The following MROH7 variants were observed in gnomAD, a reference collection of about 807,000 sequenced individuals.
MROH7 encodes maestro heat like repeat family member 7, also known as maestro heat-like repeat-containing protein family member 7.
Under a neutral mutation model 129.2 loss-of-function variants are expected in MROH7, and 113 were observed. That is an observed-to-expected ratio of 0.87 (90% CI 0.75 to 1.02). MROH7 has a LOEUF of 1.02. Ranked by LOEUF, MROH7 falls within the 50% of genes least tolerant of loss-of-function variation. The pLI is 0.00. For missense variants in MROH7, 1,601 were observed against 1,671.3 expected (o/e 0.96, Z 0.73); for synonymous variants, 655 against 667.9 (o/e 0.98, Z 0.30).
At chr1:54,677,618 C>A (rs938584251) in intron 10 of MROH7, among the ~76,000 whole-genome samples, 1 of 152,168 alleles carries the variant, frequency 6.6e-6, no homozygotes, top group Non-Finnish European at 1.5e-5. Flanking sequence ...CTCTCCTTTA[C>A]AAACAGCACA....
chr1:54,665,020 A>G, intron 3 of MROH7, 147 bp from the exon 4 acceptor site: 1 of 591,054 alleles, frequency 1.7e-6, no homozygotes, highest in Non-Finnish European at 3.0e-6. Context: ...CTGTCTCAAA[A>G]AAAAGGAAAA....
At chr1:54,681,563 G>T (rs1645069725) in intron 13 of MROH7, among the ~76,000 whole-genome samples, 1 of 152,208 alleles carries the variant, frequency 6.6e-6, no homozygotes, top group African/African-American at 2.4e-5. Flanking sequence ...TACTGTATCA[G>T]GTTGCCAGGG....
At chr1:54,683,410 G>A (rs1267036268) in intron 14 of MROH7, among the ~76,000 whole-genome samples, 2 of 152,172 alleles carry the variant, frequency 1.3e-5, no homozygotes, top group African/African-American at 4.8e-5. Context: ...CAGGAAGCTG[G>A]CTGGGCTGAA....
At chr1:54,674,669 T>C (rs952226332) in intron 10 of MROH7, among the ~76,000 whole-genome samples, 2 of 152,174 alleles carry the variant, frequency 1.3e-5, no homozygotes, top group Non-Finnish European at 2.9e-5. Context: ...TTGGGAGAAC[T>C]TTCCTTGATT....
rs1042516555 is a variant in MROH7 at position 54,663,048 on chromosome 1, G to C, written c.1232-2119G>C. On this transcript the variant is annotated intron_variant, in intron 3 of 23. Transcript: ENST00000421030. ...TTTTGATTTGTTTGTTACTGATGCT[G>C]TTTGCTTTCATCACTTGAGTAGGAT... Among the ~76,000 whole-genome samples the C allele has an allele frequency of 3.9e-5, 6 of 152,128 alleles. No homozygotes were observed. In the South Asian group the frequency reaches 1.0e-3, roughly 26 times the overall value.
At chr1:54,695,653 C>G (rs1394337075) in intron 17 of MROH7, 163 bp downstream of exon 17, 2 of 680,438 alleles carry the variant, frequency 2.9e-6, no homozygotes, top group Non-Finnish European at 5.4e-6. Context: ...CCTCCCTCCC[C>G]TCCCTGTCTC....
chr1:54,670,971 T>C, intron 7 of MROH7, 42 bp downstream of exon 7: 1 of 1,550,356 alleles, frequency 6.5e-7, no homozygotes, highest in African/African-American at 1.4e-5. Flanking sequence ...GGCTGGCCCA[T>C]GTTCTGGGAG....
chr1:54,670,437 T>C, intron 5 of MROH7, 60 bp from the exon 6 acceptor site: 1 of 1,485,156 alleles, frequency 6.7e-7, no homozygotes, highest in Non-Finnish European at 9.3e-7. Flanking sequence ...GGGGCAGCCT[T>C]GGCCCTGGTG....
At chr1:54,695,935 G>A (rs1645315234) in intron 17 of MROH7, 2 of 300,236 alleles carry the variant, frequency 6.7e-6, no homozygotes, top group Non-Finnish European at 1.3e-5. Context: ...GCATCAGGGA[G>A]GGAGGGCTTC....
At chr1:54,701,973 G>T in intron 19 of MROH7, 117 bp from the exon 20 acceptor site, 1 of 894,450 alleles carries the variant, frequency 1.1e-6, no homozygotes, top group Non-Finnish European at 1.6e-6. Flanking sequence ...GTCTGGCTGG[G>T]AAGAGTCGGG....
At chr1:54,701,892 C>T (rs1645442181) in intron 19 of MROH7, among the ~76,000 whole-genome samples, 198 bp from the exon 20 acceptor site, 1 of 151,500 alleles carries the variant, frequency 6.6e-6, no homozygotes, top group African/African-American at 2.4e-5. Flanking sequence ...TTTCTTTAAA[C>T]TGCTCCTAGC....
Position 54,652,815 on chromosome 1 carries a change from G to A in MROH7, c.-74-38G>A, listed in dbSNP as rs140962178. ...GGGAGCCCTGGAAAAGCCTTAACAG[G>A]TGTGGCATGGCTGCATTTGTCTTTT... On this transcript the variant is annotated intron_variant, in intron 2 of 23. Coordinates refer to ENST00000421030, the MANE Select transcript of MROH7 (RefSeq NM_001039464.4). The A allele has an allele frequency of 1.9e-4, 263 of 1,404,396 alleles. No individual in the cohort carries two copies. In the African/African-American group the frequency reaches 3.4e-3, roughly 18 times the overall value. 87.0% of individuals were successfully genotyped at this position (1,404,396 alleles called of 1,614,324 possible).
Position 54,654,015 on chromosome 1 carries a change from C to G in MROH7, c.1089C>G (p.Asn363Lys). 1.2e-6 allele frequency: 2 copies of G among 1,614,236 alleles called. 1 individual carries two copies. Among genetic ancestry groups the G allele is most frequent in the South Asian group, 2.2e-5 (2 of 91,084 alleles). Residue 363 changes from asparagine (N) to lysine (K), a missense_variant, in exon 3 of 24, where the codon AAC becomes AAG. Coordinates refer to ENST00000421030, the MANE Select transcript of MROH7 (RefSeq NM_001039464.4). ...GTCAGCAGGATGATGCCAAGGACAA[C>G]AGCATCCACACTGTGCCCCTGGAGG... ...LSSQQDDAKD[N>K]SIHTVPLEEN...
chr1:54,649,750 T>G (rs1468025115), intron 1 of MROH7, among the ~76,000 whole-genome samples: 1 of 152,232 alleles, frequency 6.6e-6, no homozygotes, highest in Non-Finnish European at 1.5e-5. Flanking sequence ...TGTGTGTGCA[T>G]GTGGCACGTT....
At chr1:54,672,786 G>A (rs1644921369) in intron 7 of MROH7, among the ~76,000 whole-genome samples, 1 of 152,118 alleles carries the variant, frequency 6.6e-6, no homozygotes, top group Non-Finnish European at 1.5e-5. Flanking sequence ...GGACAAGGTG[G>A]CAAATCACCA....
chr1:54,692,367 G>C, intron 15 of MROH7, 57 bp from the exon 16 acceptor site: 1 of 1,601,126 alleles, frequency 6.2e-7, no homozygotes, highest in Non-Finnish European at 8.5e-7. Context: ...GGTGGAGGGA[G>C]GCTTGGCCTG....
Position 54,679,456 on chromosome 1 carries a change from G to T in MROH7, c.2226+17G>T. The T allele has an allele frequency of 6.2e-7, 1 of 1,608,378 alleles. No individual in the cohort carries two copies. Among genetic ancestry groups the T allele is most frequent in the Non-Finnish European group, 8.5e-7 (1 of 1,176,528 alleles). On this transcript the variant is annotated intron_variant, in intron 12 of 23. Transcript: ENST00000421030. Reference sequence around the variant, plus strand: ...CTGGAGGTGGTAAGGCCTCCTGGGGGCAGGGAGTGAACTGTCACTGGGGCT... The same window carrying T: ...CTGGAGGTGGTAAGGCCTCCTGGGGTCAGGGAGTGAACTGTCACTGGGGCT...
In MROH7 at chr1:54,703,848, T is replaced by G. The variant is rs1164025043; in HGVS notation, c.3564+1103T>G. On this transcript the variant is annotated intron_variant, in intron 21 of 23. Coordinates refer to ENST00000421030, the MANE Select transcript of MROH7 (RefSeq NM_001039464.4). The surrounding 1 kb of genome is among the most constrained non-coding windows in gnomAD (Gnocchi z 4.4). ...AACAAAGGGAGAAGTCAAGTTACAA[T>G]GTAGCTTCAGCACAGGCCTCAGCCA... is the stretch of plus-strand genomic sequence containing the variant. Among the ~76,000 whole-genome samples the G allele has an allele frequency of 6.6e-6, 1 of 152,178 alleles. No homozygotes were observed. Among genetic ancestry groups the G allele is most frequent in the Non-Finnish European group, 1.5e-5 (1 of 68,032 alleles).
chr1:54,672,387 G>T (rs1333266653), intron 7 of MROH7, among the ~76,000 whole-genome samples: 1 of 151,994 alleles, frequency 6.6e-6, no homozygotes, highest in Non-Finnish European at 1.5e-5. Flanking sequence ...CTGGCAGGAC[G>T]AGGGGAGGCA....
Sources: gnomAD v4.1 joint callset for allele counts (sites outside exome capture counted in the v4.1 genomes callset) on GRCh38, gnomAD v4.1.1 for gene constraint, Gnocchi (gnomAD v3.1) non-coding constraint, MANE v1.5 for transcripts, NCBI Gene and HGNC (gene_info 2026-07-23, HGNC 2026-07-21) for gene names.